COL28A1: variants seen among roughly 807,000 people sequenced by gnomAD.
The protein encoded by COL28A1 is collagen type XXVIII alpha 1 chain, also known as collagen alpha-1(XXVIII) chain.
Under a neutral mutation model 150.2 loss-of-function variants are expected in COL28A1, and 161 were observed. That is an observed-to-expected ratio of 1.07 (90% confidence interval 0.94 to 1.22). The LOEUF (loss-of-function observed/expected upper bound fraction) is 1.22, where lower values mean the gene tolerates loss of function less well. COL28A1 is among the 50% of genes most tolerant of loss of function. COL28A1 has a pLI of 0.00. For missense variants in COL28A1, 1,617 were observed against 1,388.3 expected, an observed-to-expected ratio of 1.16 and a Z score of -2.62; for synonymous variants, 552 against 469.7, an observed-to-expected ratio of 1.18 and a Z score of -2.26.
chr7:7,492,195 T>C (rs1404487000), intron 11 of COL28A1, among the ~76,000 whole-genome samples: 3 of 152,080 alleles, frequency 2.0e-5, no homozygotes, highest in African/African-American at 4.8e-5. Context: ...AAAGTCTCAA[T>C]TTACCCCAGA....
intron 27 of COL28A1, among the ~76,000 whole-genome samples, chr7:7,401,255 G>T (rs557441378): frequency 6.6e-6 from 1 of 152,088 alleles, no homozygotes; most frequent in East Asian, 1.9e-4. Context: ...GGAGGACCCA[G>T]GGCCCAGTCC....
intron 3 of COL28A1, among the ~76,000 whole-genome samples, chr7:7,529,289 CAAA>C (rs5882129): frequency 1.3e-4 from 16 of 127,264 alleles, no homozygotes; most frequent in South Asian, 2.6e-4. Context: ...AACTCTGTCT[CAAA>C]AAAAAAAAAA....
chr7:7,345,865 T>C, the COL28A1 span, among the ~76,000 whole-genome samples: 3 of 152,076 alleles, frequency 2.0e-5, no homozygotes, highest in African/African-American at 7.2e-5. Context: ...ATATTCACCC[T>C]GCTTGAGATT....
chr7:7,437,782 G>A (rs950915737), intron 21 of COL28A1, among the ~76,000 whole-genome samples: 5 of 152,154 alleles, frequency 3.3e-5, no homozygotes, highest in African/African-American at 9.7e-5. Context: ...ATGTTGGGAA[G>A]CTCAAAGAGA....
intron 25 of COL28A1, among the ~76,000 whole-genome samples, chr7:7,426,923 T>C (rs1784669597): frequency 6.6e-6 from 1 of 152,224 alleles, no homozygotes; most frequent in Non-Finnish European, 1.5e-5. Flanking sequence ...CAGGCTGTCT[T>C]GTACTAAAAC....
intron 4 of COL28A1, among the ~76,000 whole-genome samples, chr7:7,523,166 T>G (rs78212678): frequency 2.9e-5 from 1 of 34,542 alleles, no homozygotes; most frequent in Non-Finnish European, 4.7e-5. Flanking sequence ...CTTTCTTTTC[T>G]TTTTTTTTTT....
Position 7,380,778 on chromosome 7 carries a change from T to C in COL28A1, c.2286+4A>G, listed in dbSNP as rs978846580. On this transcript the variant is annotated splice_donor_region_variant and intron_variant, in intron 29 of 34. Transcript: ENST00000399429. ...ATCACAGTGAGACATTAAAAACTAC[T>C]TGCCTGTTTTCCTGGAGATCCAGGC... 3 of 1,613,368 alleles carry C rather than the reference T, an allele frequency of 1.9e-6. No individual in the cohort carries two copies. The highest frequency in any genetic ancestry group is 1.7e-5 in the Admixed American group (1 of 59,988).
At chr7:7,350,604 T>C in the COL28A1 span, among the ~76,000 whole-genome samples, 1 of 151,960 alleles carries the variant, frequency 6.6e-6, no homozygotes, top group Non-Finnish European at 1.5e-5. Flanking sequence ...GAGTTGTTTT[T>C]GTTTTGTTTC....
At chr7:7,380,899 T>C in intron 28 of COL28A1, 37 bp from the exon 29 acceptor site, 2 of 1,556,666 alleles carry the variant, frequency 1.3e-6, no homozygotes, top group Non-Finnish European at 1.8e-6. Flanking sequence ...GTTCAGAATG[T>C]GAATCTAAAA....
chr7:7,379,702 C>T (rs1031498350), intron 30 of COL28A1, among the ~76,000 whole-genome samples: 2 of 152,186 alleles, frequency 1.3e-5, no homozygotes, highest in African/African-American at 4.8e-5. Context: ...CAGTCCCTCT[C>T]CCCACGTTGG....
At chr7:7,420,908 G>A (rs943614981) in intron 25 of COL28A1, among the ~76,000 whole-genome samples, 1 of 152,214 alleles carries the variant, frequency 6.6e-6, no homozygotes, top group African/African-American at 2.4e-5. Context: ...ATAATTGCTG[G>A]TGCAGCCACT....
chr7:7,432,241 G>A (rs1307372692), intron 25 of COL28A1, among the ~76,000 whole-genome samples: 2 of 152,148 alleles, frequency 1.3e-5, no homozygotes, highest in Admixed American at 6.6e-5. Flanking sequence ...ATAAGAAGAG[G>A]AAGCAGCAAA....
At chr7:7,457,828 T>C (rs1787294461) in intron 15 of COL28A1, among the ~76,000 whole-genome samples, 1 of 152,190 alleles carries the variant, frequency 6.6e-6, no homozygotes, top group African/African-American at 2.4e-5. Flanking sequence ...TGACAGAGAA[T>C]TGACCGCTGG....
At chr7:7,381,720 T>C (rs1583254777) in intron 27 of COL28A1, 108 bp from the exon 28 acceptor site, 2 of 708,194 alleles carry the variant, frequency 2.8e-6, no homozygotes, top group East Asian at 5.1e-5. Flanking sequence ...TAGTATTATC[T>C]AAATATTAGG....
chr7:7,383,990 C>T (rs1051174719), intron 27 of COL28A1, among the ~76,000 whole-genome samples: 39 of 152,126 alleles, frequency 2.6e-4, no homozygotes, highest in African/African-American at 9.4e-4. Context: ...ATTTTTCACA[C>T]ACCCATCCCT....
At chr7:7,378,714 GC>G (rs1781702435) in intron 30 of COL28A1, among the ~76,000 whole-genome samples, 1 of 152,160 alleles carries the variant, frequency 6.6e-6, no homozygotes, top group South Asian at 2.1e-4. Flanking sequence ...TCTGCTACGT[GC>G]CAGCTAGATG....
chr7:7,385,984 GA>G (rs1330547133), intron 27 of COL28A1, among the ~76,000 whole-genome samples: 2 of 152,174 alleles, frequency 1.3e-5, no homozygotes, highest in Non-Finnish European at 2.9e-5. Context: ...TAAGTCTCAG[GA>G]AAATGATAAA....
At chr7:7,405,087 A>C (rs562579812) in intron 27 of COL28A1, among the ~76,000 whole-genome samples, 2 of 152,304 alleles carry the variant, frequency 1.3e-5, no homozygotes, top group South Asian at 4.1e-4. Flanking sequence ...TTCTGAAATA[A>C]AACTTTGTAC....
chr7:7,501,927 G>A (rs1780552141), intron 11 of COL28A1, among the ~76,000 whole-genome samples: 1 of 151,970 alleles, frequency 6.6e-6, no homozygotes, highest in Non-Finnish European at 1.5e-5. Context: ...ACAGAGTCTC[G>A]CTCTGTCACC....
Sources: gnomAD v4.1 joint callset for allele counts (sites outside exome capture counted in the v4.1 genomes callset) on GRCh38, gnomAD v4.1.1 for gene constraint, MANE v1.5 for transcripts, NCBI Gene and HGNC (gene_info 2026-07-23, HGNC 2026-07-21) for gene names.